Variants in GSK3B observed in about 807,000 individuals in gnomAD.
The protein encoded by GSK3B is glycogen synthase kinase-3 beta.
GSK3B carries 15 observed loss-of-function variants against 56.4 expected under a neutral mutation model. That is an observed-to-expected ratio of 0.27 (90% CI 0.18 to 0.41). The LOEUF is 0.41. Among genes scored for constraint, GSK3B ranks in the 10% least tolerant of loss-of-function variants. GSK3B has a pLI of 1.00. For synonymous variants in GSK3B, 181 were observed against 188.9 expected (o/e 0.96, Z 0.34); for missense variants, 300 against 513.4 (o/e 0.58, Z 4.02).
At chr3:119,865,315 T>G (rs2056161764) in intron 8 of GSK3B, among the ~76,000 whole-genome samples, 1 of 151,394 alleles carries the variant, frequency 6.6e-6, no homozygotes, top group Non-Finnish European at 1.5e-5. Flanking sequence ...AATAAATATC[T>G]CCCACTAACA....
In GSK3B at chr3:119,822,920, GTGTCTTCA is replaced by G. The variant is rs1206144132; in HGVS notation, c.*3860_*3867del. The G allele has an allele frequency of 8.7e-6, 2 of 229,222 alleles. No individual in the cohort carries two copies. The highest frequency in any genetic ancestry group is 1.1e-4 in the Admixed American group (2 of 17,654). 14.2% of individuals were successfully genotyped at this position (229,222 alleles called of 1,614,324 possible). A position where few individuals can be genotyped will look rare whatever the true frequency, so the allele number is the denominator to read the frequency against. Reference sequence around the variant, plus strand: ...AAAGGGAAAAATAGATGAAATGCCAGTGTCTTCATATCCACAGGGATAGAGAATACTCC... The same window carrying G: ...AAAGGGAAAAATAGATGAAATGCCAGTATCCACAGGGATAGAGAATACTCC... On this transcript the variant is annotated 3_prime_UTR_variant, in exon 11 of 11. Transcript: ENST00000264235.
intron 3 of GSK3B, among the ~76,000 whole-genome samples, chr3:119,946,982 A>G (rs1336785784): frequency 1.3e-5 from 2 of 151,934 alleles, no homozygotes; most frequent in Non-Finnish European, 2.9e-5. Context: ...TAAGGAACAT[A>G]GATGTCTTTA....
At chr3:119,880,155 A>T (rs2056364029) in intron 7 of GSK3B, among the ~76,000 whole-genome samples, 1 of 152,160 alleles carries the variant, frequency 6.6e-6, no homozygotes, top group African/African-American at 2.4e-5. Flanking sequence ...TTTAGATAAA[A>T]GCCATTTTAT....
chr3:119,944,796 T>C (rs1377836828), intron 3 of GSK3B, among the ~76,000 whole-genome samples: 1 of 152,160 alleles, frequency 6.6e-6, no homozygotes, highest in Non-Finnish European at 1.5e-5. Flanking sequence ...TCTTCTCATA[T>C]ATAATATACA....
intron 9 of GSK3B, among the ~76,000 whole-genome samples, chr3:119,856,601 C>T (rs1252288421): frequency 6.6e-6 from 1 of 152,158 alleles, no homozygotes. Context: ...TACCTGCCCC[C>T]TTTTAGTCCA....
intron 7 of GSK3B, among the ~76,000 whole-genome samples, chr3:119,878,991 G>C (rs772269121): frequency 6.6e-6 from 1 of 152,134 alleles, no homozygotes; most frequent in Non-Finnish European, 1.5e-5. Context: ...GGGTGTAAGC[G>C]TATGGAAAAA....
intron 7 of GSK3B, among the ~76,000 whole-genome samples, chr3:119,902,779 A>G (rs1220864101): frequency 6.6e-6 from 1 of 152,040 alleles, no homozygotes; most frequent in Non-Finnish European, 1.5e-5. Context: ...CAGGGGCATA[A>G]TCTTGGCTTA....
At chr3:119,880,683 G>A (rs1408860105) in intron 7 of GSK3B, among the ~76,000 whole-genome samples, 3 of 151,974 alleles carry the variant, frequency 2.0e-5, no homozygotes, top group Admixed American at 6.6e-5. Context: ...TAATGTTATT[G>A]GAAAGAAAAT....
Position 119,906,469 on chromosome 3 carries a change from C to T in GSK3B, c.716-617G>A, listed in dbSNP as rs115871117. On this transcript the variant is annotated intron_variant, in intron 6 of 10. Transcript: ENST00000264235. Reference sequence around the variant, plus strand: ...TTAAGTCAAAATGAAAACCTCAATCCGGAGAGAAAACTCTAAAAATTAACT... The same window carrying T: ...TTAAGTCAAAATGAAAACCTCAATCTGGAGAGAAAACTCTAAAAATTAACT... 7.7e-3 allele frequency among the ~76,000 whole-genome samples: 1,172 copies of T among 151,898 alleles called. 15 individuals are homozygous for T. Among genetic ancestry groups the T allele is most frequent in the African/African-American group, 0.027 (1,123 of 41,474 alleles).
At chr3:120,032,942 G>A (rs1324833519) in intron 1 of GSK3B, among the ~76,000 whole-genome samples, 1 of 152,140 alleles carries the variant, frequency 6.6e-6, no homozygotes, top group South Asian at 2.1e-4. Flanking sequence ...TCACAGGCTT[G>A]TGCAACCATC....
intron 10 of GSK3B, 76 bp from the exon 11 acceptor site, chr3:119,826,931 C>T (rs1280171186): frequency 2.2e-6 from 2 of 900,690 alleles, no homozygotes; most frequent in South Asian, 1.4e-5. Flanking sequence ...ACTGTTTCAA[C>T]TGCAGGCTGT....
chr3:119,953,652 A>G (rs543488388), intron 2 of GSK3B, among the ~76,000 whole-genome samples: 14 of 152,194 alleles, frequency 9.2e-5, no homozygotes, highest in African/African-American at 3.4e-4. Context: ...TGAATTCTAT[A>G]TTATCGCTAG....
chr3:120,006,636 A>G (rs999004145), intron 1 of GSK3B, among the ~76,000 whole-genome samples: 9 of 152,246 alleles, frequency 5.9e-5, no homozygotes, highest in Admixed American at 5.2e-4. Flanking sequence ...AACTGCATGG[A>G]AACTGAACAA....
At chr3:120,044,842 T>C (rs566695887) in intron 1 of GSK3B, among the ~76,000 whole-genome samples, 1 of 152,362 alleles carries the variant, frequency 6.6e-6, no homozygotes, top group South Asian at 2.1e-4. Context: ...GAAAACTCAA[T>C]ATTGTACCTT....
intron 5 of GSK3B, among the ~76,000 whole-genome samples, chr3:119,915,684 C>T (rs2056773702): frequency 1.3e-5 from 2 of 152,094 alleles, no homozygotes; most frequent in African/African-American, 4.8e-5. Context: ...CAGAGAGTTG[C>T]CTCATTCTTT....
At chr3:120,014,717 CA>C (rs577233091) in intron 1 of GSK3B, among the ~76,000 whole-genome samples, 1 of 151,220 alleles carries the variant, frequency 6.6e-6, no homozygotes, top group East Asian at 1.9e-4. Context: ...TTAGAAAAAA[CA>C]AAAAAAACAA....
At chr3:119,844,144 T>C (rs1449243759) in intron 9 of GSK3B, among the ~76,000 whole-genome samples, 1 of 152,054 alleles carries the variant, frequency 6.6e-6, no homozygotes, top group Non-Finnish European at 1.5e-5. Context: ...AGACACAACA[T>C]ACCAGAATCT....
intron 1 of GSK3B, among the ~76,000 whole-genome samples, chr3:120,081,212 C>G (rs1398488756): frequency 6.6e-6 from 1 of 151,530 alleles, no homozygotes; most frequent in Non-Finnish European, 1.5e-5. Context: ...TCTGTATACT[C>G]TATGTCTCTT....
chr3:120,022,030 C>CTA (rs1395139746), intron 1 of GSK3B, among the ~76,000 whole-genome samples: 1 of 152,172 alleles, frequency 6.6e-6, no homozygotes, highest in Non-Finnish European at 1.5e-5. Flanking sequence ...ACACCCATCT[C>CTA]TATTAAAAAC....
Sources: gnomAD v4.1 joint callset for allele counts (sites outside exome capture counted in the v4.1 genomes callset) on GRCh38, gnomAD v4.1.1 for gene constraint, MANE v1.5 for transcripts, NCBI Gene and HGNC (gene_info 2026-07-23, HGNC 2026-07-21) for gene names.